The following KIT variants were observed in gnomAD, a reference collection of about 807,000 sequenced individuals.
KIT encodes the protein mast/stem cell growth factor receptor Kit.
KIT carries 16 observed loss-of-function variants against 105.7 expected under a neutral mutation model. The observed-to-expected ratio is 0.15, with a 90% CI of 0.10 to 0.23. KIT has a LOEUF of 0.23. Ranked by LOEUF, KIT falls within the 10% of genes least tolerant of loss-of-function variation. KIT has a pLI of 1.00. For synonymous variants in KIT, 438 were observed against 441.1 expected, an observed-to-expected ratio of 0.99 and a Z score of 0.09; for missense variants, 858 against 1,213.8, an observed-to-expected ratio of 0.71 and a Z score of 4.36.
intron 17 of KIT, among the ~76,000 whole-genome samples, chr4:54,734,610 C>T (rs994336953): frequency 6.6e-6 from 1 of 152,272 alleles, no homozygotes; most frequent in African/African-American, 2.4e-5. Flanking sequence ...TCACAGATCT[C>T]GCTTTCACCA....
rs746132062 is a variant in KIT at position 54,695,489 on chromosome 4, CACG to C, written c.68-21_68-19del. 2 of 1,613,764 alleles carry C rather than the reference CACG, an allele frequency of 1.2e-6. No individual in the cohort carries two copies. The highest frequency in any genetic ancestry group is 1.7e-6 in the Non-Finnish European group (2 of 1,179,712). On this transcript the variant is annotated intron_variant, in intron 1 of 20. Transcript: ENST00000288135. Reference sequence around the variant, plus strand: ...CGCCAAGGAAGAAGATCATACTCAACACGATTCTGTTTTTCTTGGCAGGCTCTT... The same window carrying C: ...CGCCAAGGAAGAAGATCATACTCAACATTCTGTTTTTCTTGGCAGGCTCTT...
At chr4:54,732,588 CTACCCTTAAATGTCATGGGT>C (rs1430368486) in intron 16 of KIT, among the ~76,000 whole-genome samples, 1 of 152,050 alleles carries the variant, frequency 6.6e-6, no homozygotes, top group African/African-American at 2.4e-5. Flanking sequence ...GTTACCAGTC[CTACCCTTAAATGTCATGGGT>C]GACATTTCCC....
At chr4:54,725,824 A>G (rs1189630933) in intron 8 of KIT, 33 bp from the exon 9 acceptor site, 3 of 1,595,244 alleles carry the variant, frequency 1.9e-6, no homozygotes, top group South Asian at 1.1e-5. Context: ...ATTTTCCTAG[A>G]GTAAGCCAGG....
In KIT at chr4:54,740,270, C is replaced by T; in HGVS notation, c.*1713C>T. 1 of 233,546 alleles carries T rather than the reference C, an allele frequency of 4.3e-6. No individual in the cohort carries two copies. The highest frequency in any genetic ancestry group is 8.5e-6 in the Non-Finnish European group (1 of 117,972). 14.5% of individuals were successfully genotyped at this position (233,546 alleles called of 1,614,324 possible). ...AACAGATTTTGGGGTTGTGTTGTCA[C>T]CCAAGAGATTGTTGTTTGCCATACT... On this transcript the variant is annotated 3_prime_UTR_variant, in exon 21 of 21. Coordinates refer to ENST00000288135, the MANE Select transcript of KIT (RefSeq NM_000222.3).
At chr4:54,701,253 G>C (rs1159666276) in intron 4 of KIT, among the ~76,000 whole-genome samples, 1 of 152,298 alleles carries the variant, frequency 6.6e-6, no homozygotes, top group Admixed American at 6.5e-5. Flanking sequence ...ACCAAATCAC[G>C]TGCAAACAAT....
intron 5 of KIT, among the ~76,000 whole-genome samples, chr4:54,706,772 C>G (rs1262283003): frequency 6.6e-6 from 1 of 152,074 alleles, no homozygotes; most frequent in Non-Finnish European, 1.5e-5. Flanking sequence ...TGTGTATGAA[C>G]TCACTATTTA....
At chr4:54,666,937 C>G (rs1717740961) in intron 1 of KIT, among the ~76,000 whole-genome samples, 1 of 152,174 alleles carries the variant, frequency 6.6e-6, no homozygotes, top group South Asian at 2.1e-4. Context: ...GGTTATTGAT[C>G]TGTTAGGTGT....
At chr4:54,670,417 T>A (rs1718026762) in intron 1 of KIT, among the ~76,000 whole-genome samples, 1 of 152,174 alleles carries the variant, frequency 6.6e-6, no homozygotes, top group South Asian at 2.1e-4. Context: ...TTCTAACACT[T>A]GGCCATTTCA....
chr4:54,703,174 T>C (rs1312584468), intron 4 of KIT, among the ~76,000 whole-genome samples: 2 of 152,216 alleles, frequency 1.3e-5, no homozygotes, highest in Non-Finnish European at 2.9e-5. Flanking sequence ...ATGTCTCTTA[T>C]ACCTTGGAAC....
intron 6 of KIT, 67 bp downstream of exon 6, chr4:54,707,354 T>C: frequency 8.7e-7 from 1 of 1,148,624 alleles, no homozygotes; most frequent in Non-Finnish European, 1.3e-6. Context: ...TATCAGATCT[T>C]ATTTCTGTAA....
rs1384825208 is a variant in KIT at position 54,658,096 on chromosome 4, C to A, written c.67+15C>A. On this transcript the variant is annotated intron_variant, in intron 1 of 20. Transcript: ENST00000288135. ...CGTCCAGACAGGTGGGACACCGCGG[C>A]TGGCACCCCGACCGTGCGACTACTC... is the stretch of plus-strand genomic sequence containing the variant. 1.9e-6 allele frequency: 3 copies of A among 1,613,302 alleles called. No homozygotes were observed. The highest frequency in any genetic ancestry group is 2.5e-6 in the Non-Finnish European group (3 of 1,179,446).
At chr4:54,699,577 A>ATT (rs1464423640) in intron 3 of KIT, 53 bp from the exon 4 acceptor site, 1 of 1,605,038 alleles carries the variant, frequency 6.2e-7, no homozygotes, top group Non-Finnish European at 8.5e-7. Context: ...GTAAATCAAA[A>ATT]TTTCATGCTA....
At chr4:54,737,912 G>A (rs1168632085) in intron 20 of KIT, among the ~76,000 whole-genome samples, 1 of 152,122 alleles carries the variant, frequency 6.6e-6, no homozygotes, top group African/African-American at 2.4e-5. Flanking sequence ...TTCTTTCCTG[G>A]GCTGTGTGCT....
intron 14 of KIT, among the ~76,000 whole-genome samples, chr4:54,730,602 C>T (rs961141599): frequency 2.6e-5 from 4 of 152,036 alleles, no homozygotes; most frequent in Non-Finnish European, 5.9e-5. Flanking sequence ...TGCTTCTTTC[C>T]GAAACCTTGG....
intron 1 of KIT, among the ~76,000 whole-genome samples, chr4:54,687,295 G>C (rs369153709): frequency 2.0e-5 from 3 of 151,984 alleles, no homozygotes; most frequent in African/African-American, 7.2e-5. Flanking sequence ...GAAATTAGCC[G>C]GGTATGGTTA....
intron 6 of KIT, 65 bp downstream of exon 6, chr4:54,707,352 C>T: frequency 8.6e-7 from 1 of 1,163,728 alleles, no homozygotes. Context: ...CTTATCAGAT[C>T]TTATTTCTGT....
rs2109785742 is a variant in KIT, at chr4:54,729,324, T to C, written c.1991-11T>C. 9 of 1,613,226 alleles carry C rather than the reference T, an allele frequency of 5.6e-6. No individual in the cohort carries two copies. The highest frequency in any genetic ancestry group is 1.1e-5 in the South Asian group (1 of 91,062). ...TCACCTTCTTTCTAACCTTTTCTTA[T>C]GTGCTTTTAGGGCCCACCCTGGTCA... On this transcript the variant is annotated splice_polypyrimidine_tract_variant and intron_variant, in intron 13 of 20. Transcript: ENST00000288135.
chr4:54,670,580 G>A (rs758949820), intron 1 of KIT, among the ~76,000 whole-genome samples: 3 of 152,176 alleles, frequency 2.0e-5, no homozygotes, highest in Non-Finnish European at 2.9e-5. Context: ...CTGACCAAGA[G>A]GAGACTGGAA....
chr4:54,714,011 A>T (rs1201960034), intron 7 of KIT, among the ~76,000 whole-genome samples: 2 of 152,198 alleles, frequency 1.3e-5, no homozygotes, highest in Non-Finnish European at 2.9e-5. Flanking sequence ...AGGAATTTTC[A>T]TTAAAAAACA....
Sources: allele counts gnomAD v4.1 joint callset (sites outside exome capture counted in the v4.1 genomes callset), GRCh38; gene constraint gnomAD v4.1.1; transcripts MANE v1.5; gene names NCBI Gene and HGNC (gene_info 2026-07-23, HGNC 2026-07-21).